TLK1: variants seen among roughly 807,000 people sequenced by gnomAD.
TLK1 encodes serine/threonine-protein kinase tousled-like 1.
TLK1 carries 24 observed loss-of-function variants against 105.3 expected under a neutral mutation model. The observed-to-expected ratio is 0.23, with a 90% CI of 0.17 to 0.32. TLK1 has a LOEUF of 0.32. Among genes scored for constraint, TLK1 ranks in the 10% least tolerant of loss-of-function variants. The pLI, the probability that TLK1 is intolerant of heterozygous loss-of-function variation, is 1.00. For synonymous variants in TLK1, 321 were observed against 310.4 expected, an observed-to-expected ratio of 1.03 and a Z score of -0.36; for missense variants, 558 against 910.5, an observed-to-expected ratio of 0.61 and a Z score of 4.98.
intron 3 of TLK1, 110 bp downstream of exon 3, chr2:171,082,671 T>G: frequency 1.1e-6 from 1 of 878,266 alleles, no homozygotes; most frequent in Non-Finnish European, 1.8e-6. Context: ...TAAGAAACTT[T>G]AAAAGCATTA....
rs770590273 is a variant in TLK1, at chr2:170,993,775, G to A, written c.*5C>T. On this transcript the variant is annotated 3_prime_UTR_variant, in exon 21 of 21. Transcript: ENST00000431350. ...CAAAGATATCATGCCAATCTTGGAG[G>A]AAAGTCAGTAAGTAATTATGCTTGA... 1 of 1,556,988 alleles carries A rather than the reference G, an allele frequency of 6.4e-7. No individual in the cohort carries two copies. The highest frequency in any genetic ancestry group is 1.3e-5 in the South Asian group (1 of 79,648).
intron 2 of TLK1, among the ~76,000 whole-genome samples, chr2:171,097,473 A>G (rs1383786062): frequency 6.6e-6 from 1 of 152,238 alleles, no homozygotes. Context: ...TAAACAAATG[A>G]TATTACATCA....
chr2:171,180,707 G>A (rs1387429348), intron 1 of TLK1, among the ~76,000 whole-genome samples: 1 of 152,010 alleles, frequency 6.6e-6, no homozygotes, highest in African/African-American at 2.4e-5. Context: ...GCTTTAAAAT[G>A]AGTGACTGTT....
rs182408814 is a variant in TLK1 at position 171,027,979 on chromosome 2, A to G, written c.1236+360T>C. Among the ~76,000 whole-genome samples, 219 of 152,276 alleles carry G rather than the reference A, an allele frequency of 1.4e-3. 1 individual carries two copies. Among genetic ancestry groups the G allele is most frequent in the Non-Finnish European group, 2.6e-3 (180 of 68,008 alleles). On this transcript the variant is annotated intron_variant, in intron 12 of 20. Transcript: ENST00000431350. Reference sequence around the variant, plus strand: ...GGAGTTTGAGACCAGCCTGGTGAACATGGCGAAACCCTCACTCTACTAAAA... The same window carrying G: ...GGAGTTTGAGACCAGCCTGGTGAACGTGGCGAAACCCTCACTCTACTAAAA...
intron 11 of TLK1, among the ~76,000 whole-genome samples, chr2:171,038,718 T>C (rs1686499117): frequency 6.6e-6 from 1 of 152,176 alleles, no homozygotes; most frequent in Middle Eastern, 3.2e-3. Context: ...ACATAAACTT[T>C]CAATCCTGTG....
intron 1 of TLK1, among the ~76,000 whole-genome samples, chr2:171,211,722 G>T (rs1215399162): frequency 1.3e-5 from 2 of 151,762 alleles, no homozygotes; most frequent in Non-Finnish European, 2.9e-5. Flanking sequence ...GCTAATTTTT[G>T]TATTTTTAGT....
chr2:171,227,076 C>CTGTT (rs71778857), intron 1 of TLK1, among the ~76,000 whole-genome samples: 8,515 of 152,216 alleles, frequency 0.056, 487 homozygotes, highest in East Asian at 0.25. Context: ...TCTGCAGGGA[C>CTGTT]TGTTTGTTTA....
intron 1 of TLK1, among the ~76,000 whole-genome samples, chr2:171,121,665 A>G (rs1489141746): frequency 3.3e-5 from 5 of 152,248 alleles, no homozygotes; most frequent in African/African-American, 1.2e-4. Flanking sequence ...TAAAGCATGT[A>G]TGTGCTATAT....
chr2:171,042,448 C>G (rs1028801696), intron 11 of TLK1, among the ~76,000 whole-genome samples: 1 of 151,782 alleles, frequency 6.6e-6, no homozygotes, highest in South Asian at 2.1e-4. Context: ...GGGTCTTGCT[C>G]TGTTGCCCAG....
At chr2:171,193,967 C>T (rs1168309778) in intron 1 of TLK1, among the ~76,000 whole-genome samples, 1 of 152,020 alleles carries the variant, frequency 6.6e-6, no homozygotes, top group African/African-American at 2.4e-5. Flanking sequence ...TGATCACCTG[C>T]CTTGGCCTCC....
At chr2:171,185,945 A>G (rs1693017601) in intron 1 of TLK1, among the ~76,000 whole-genome samples, 1 of 152,226 alleles carries the variant, frequency 6.6e-6, no homozygotes, top group Admixed American at 6.5e-5. Flanking sequence ...AGTGCTTTTC[A>G]TAATTCACTA....
At chr2:171,068,199 A>G (rs1558921783) in intron 3 of TLK1, among the ~76,000 whole-genome samples, 1 of 152,064 alleles carries the variant, frequency 6.6e-6, no homozygotes, top group Non-Finnish European at 1.5e-5. Context: ...TCTGGTGGTG[A>G]GCACCTGTAG....
chr2:171,095,114 T>G (rs1451412983), intron 2 of TLK1, among the ~76,000 whole-genome samples: 2 of 151,706 alleles, frequency 1.3e-5, no homozygotes, highest in East Asian at 3.9e-4. Flanking sequence ...TCAAAACATA[T>G]GAGATAAAGT....
At chr2:171,015,638 C>T (rs1009393122) in intron 12 of TLK1, among the ~76,000 whole-genome samples, 11 of 143,122 alleles carry the variant, frequency 7.7e-5, no homozygotes, top group African/African-American at 2.7e-4. Context: ...TTTAGACTAG[C>T]CACCAAAACA....
intron 1 of TLK1, among the ~76,000 whole-genome samples, chr2:171,178,871 C>T (rs1324339640): frequency 6.6e-6 from 1 of 152,166 alleles, no homozygotes; most frequent in Non-Finnish European, 1.5e-5. Context: ...TCTTAATTTT[C>T]AAGTATATGG....
chr2:170,995,713 G>T (rs1684023666), intron 20 of TLK1, among the ~76,000 whole-genome samples: 1 of 152,058 alleles, frequency 6.6e-6, no homozygotes, highest in Admixed American at 6.6e-5. Context: ...TATCTCTTTT[G>T]TTTTTTTGAG....
intron 12 of TLK1, among the ~76,000 whole-genome samples, chr2:171,024,253 G>C (rs1685671083): frequency 6.6e-6 from 1 of 151,890 alleles, no homozygotes; most frequent in Non-Finnish European, 1.5e-5. Flanking sequence ...AAAATTATTT[G>C]AGTTTTTATT....
chr2:171,193,206 A>C (rs1372604015), intron 1 of TLK1, among the ~76,000 whole-genome samples: 1 of 152,198 alleles, frequency 6.6e-6, no homozygotes, highest in Non-Finnish European at 1.5e-5. Context: ...TAAATCAAAT[A>C]CATGAGGCCA....
chr2:171,131,005 C>A (rs935862825), intron 1 of TLK1, among the ~76,000 whole-genome samples: 5 of 141,030 alleles, frequency 3.5e-5, no homozygotes, highest in Non-Finnish European at 6.4e-5. Context: ...ATAATAATTT[C>A]TTTTATCTGC....
Sources: gnomAD v4.1 joint callset for allele counts (sites outside exome capture counted in the v4.1 genomes callset) on GRCh38, gnomAD v4.1.1 for gene constraint, MANE v1.5 for transcripts, NCBI Gene and HGNC (gene_info 2026-07-23, HGNC 2026-07-21) for gene names.